Variants in GPC5 observed in about 807,000 individuals in gnomAD.
GPC5 encodes the protein glypican 5.
A neutral mutation model predicts 53.9 loss-of-function variants in GPC5; 47 were observed. That is an observed-to-expected ratio of 0.87 (90% CI 0.69 to 1.11). The LOEUF is 1.11. Ranked by LOEUF, GPC5 falls within the 50% of genes most tolerant of loss-of-function variation. The pLI, the probability that GPC5 is intolerant of heterozygous loss-of-function variation, is 0.00. For missense variants in GPC5, 748 were observed against 713.1 expected (o/e 1.05, Z -0.56); for synonymous variants, 286 against 263.3 (o/e 1.09, Z -0.84).
chr13:92,258,393 T>A (rs2042742204), intron 7 of GPC5, among the ~76,000 whole-genome samples: 2 of 152,226 alleles, frequency 1.3e-5, no homozygotes, highest in Admixed American at 1.3e-4. Flanking sequence ...ATACTTGCTA[T>A]AATTACTATT....
At chr13:92,863,496 C>G (rs1879246689) in intron 7 of GPC5, among the ~76,000 whole-genome samples, 1 of 152,074 alleles carries the variant, frequency 6.6e-6, no homozygotes, top group African/African-American at 2.4e-5. Flanking sequence ...AAGTTACATC[C>G]CTTTACCTTA....
intron 6 of GPC5, among the ~76,000 whole-genome samples, chr13:91,987,063 A>G (rs188116885): frequency 1.9e-3 from 283 of 152,372 alleles, no homozygotes; most frequent in Admixed American, 3.5e-3. Context: ...AATAAATGTT[A>G]GCCAGGATGG....
At chr13:92,352,769 C>T (rs986541536) in intron 7 of GPC5, among the ~76,000 whole-genome samples, 1 of 152,058 alleles carries the variant, frequency 6.6e-6, no homozygotes, top group Non-Finnish European at 1.5e-5. Flanking sequence ...ATTAGTAAAC[C>T]AGTTTTGAAA....
chr13:91,699,562 G>T (rs941959926), intron 3 of GPC5, among the ~76,000 whole-genome samples: 7 of 152,096 alleles, frequency 4.6e-5, no homozygotes, highest in African/African-American at 1.7e-4. Context: ...TTAGTACATG[G>T]CTCTTCTGAG....
intron 1 of GPC5, among the ~76,000 whole-genome samples, chr13:91,407,345 G>T (rs1463846758): frequency 6.6e-6 from 1 of 152,126 alleles, no homozygotes; most frequent in Admixed American, 6.5e-5. Flanking sequence ...TAAATGAGTT[G>T]CCAGACAAAG....
chr13:91,576,437 CA>C (rs1426043975), intron 2 of GPC5, among the ~76,000 whole-genome samples: 1 of 151,582 alleles, frequency 6.6e-6, no homozygotes, highest in African/African-American at 2.4e-5. Context: ...AAATGGACAG[CA>C]AAAAATAAAC....
chr13:92,368,328 T>C (rs1169307360), intron 7 of GPC5, among the ~76,000 whole-genome samples: 1 of 150,482 alleles, frequency 6.6e-6, no homozygotes, highest in Non-Finnish European at 1.5e-5. Context: ...GCTATACTCC[T>C]AGCCTCAGAA....
intron 7 of GPC5, among the ~76,000 whole-genome samples, chr13:92,475,898 T>C (rs1879104623): frequency 6.6e-6 from 1 of 152,010 alleles, no homozygotes; most frequent in African/African-American, 2.4e-5. Flanking sequence ...CAATTCAAGA[T>C]GGATTAAAGA....
chr13:92,340,790 C>A (rs1039667600), intron 7 of GPC5, among the ~76,000 whole-genome samples: 1 of 152,064 alleles, frequency 6.6e-6, no homozygotes, highest in African/African-American at 2.4e-5. Flanking sequence ...GCTTTTAGAC[C>A]TAACAGGTAT....
chr13:91,901,890 CCAAT>C (rs2039501279), intron 5 of GPC5, among the ~76,000 whole-genome samples: 1 of 151,928 alleles, frequency 6.6e-6, no homozygotes, highest in African/African-American at 2.4e-5. Context: ...AATAAACAAA[CCAAT>C]CAAACAACAA....
intron 7 of GPC5, among the ~76,000 whole-genome samples, chr13:92,837,009 A>T (rs1354395407): frequency 6.6e-6 from 1 of 152,096 alleles, no homozygotes; most frequent in East Asian, 1.9e-4. Context: ...TTCTAAGAAA[A>T]CTGATGGGGA....
chr13:91,770,703 T>TG lies in GPC5; in HGVS notation c.1280+14283_1280+14284insG, dbSNP rs1491179183. On this transcript the variant is annotated intron_variant, in intron 5 of 7. Transcript: ENST00000377067. Reference sequence around the variant, plus strand: ...GTTCAAAGACTGGGGAGACTGTGTGTTTGTGTGTGTGTGTGTGTGTGTGTG... The same window carrying TG: ...GTTCAAAGACTGGGGAGACTGTGTGTGTTGTGTGTGTGTGTGTGTGTGTGTG... Among the ~76,000 whole-genome samples the TG allele has an allele frequency of 4.2e-3, 558 of 133,166 alleles. 5 individuals carry two copies. The highest frequency in any genetic ancestry group is 0.032 in the East Asian group (149 of 4,626). 87.4% of individuals were successfully genotyped at this position (133,166 alleles called of 152,430 possible).
chr13:91,763,647 A>G (rs1198366341), intron 5 of GPC5, among the ~76,000 whole-genome samples: 3 of 152,240 alleles, frequency 2.0e-5, no homozygotes, highest in African/African-American at 7.2e-5. Context: ...TGAAATCAAC[A>G]GAAAATAAAT....
At position 92,398,428 on chromosome 13, in the gene GPC5, C is replaced by CAAAAAAAAAAA. The variant is rs35873316; in HGVS notation, c.1561+253451_1561+253461dup. Among the ~76,000 whole-genome samples, 30 of 87,646 alleles carry CAAAAAAAAAAA rather than the reference C, an allele frequency of 3.4e-4. 1 individual carries two copies. The highest frequency in any genetic ancestry group is 1.3e-3 in the African/African-American group (26 of 19,678). 57.5% of individuals were successfully genotyped at this position (87,646 alleles called of 152,430 possible). On this transcript the variant is annotated intron_variant, in intron 7 of 7. Coordinates refer to ENST00000377067, the MANE Select transcript of GPC5 (RefSeq NM_004466.6). Reference sequence around the variant, plus strand: ...TGGGCGACAGAGCGAGACTCCGTCTCAAAAAAAAAAAAAAAAAAAAAATTA... The same window carrying CAAAAAAAAAAA: ...TGGGCGACAGAGCGAGACTCCGTCTCAAAAAAAAAAAAAAAAAAAAAAAAAAAAAAAAATTA...
At chr13:91,665,388 G>A (rs1390160194) in intron 2 of GPC5, among the ~76,000 whole-genome samples, 1 of 152,190 alleles carries the variant, frequency 6.6e-6, no homozygotes, top group Non-Finnish European at 1.5e-5. Context: ...TGTGGAATGT[G>A]AAAGTTTTTC....
intron 5 of GPC5, among the ~76,000 whole-genome samples, chr13:91,770,136 A>T (rs2037595110): frequency 6.6e-6 from 1 of 152,096 alleles, no homozygotes; most frequent in Non-Finnish European, 1.5e-5. Context: ...TTACTCTTTT[A>T]TTATAAAGGA....
chr13:91,945,629 C>T (rs1334263082), intron 6 of GPC5, among the ~76,000 whole-genome samples: 3 of 152,218 alleles, frequency 2.0e-5, no homozygotes, highest in African/African-American at 4.8e-5. Flanking sequence ...TCCTCTAGGA[C>T]GAAGGAAAGG....
chr13:91,495,234 C>T (rs1056575642), intron 2 of GPC5, among the ~76,000 whole-genome samples: 34 of 152,228 alleles, frequency 2.2e-4, no homozygotes, highest in Admixed American at 1.3e-3. Context: ...ACCCCTTCCA[C>T]TGCTAACAGA....
chr13:91,447,049 A>C (rs1198879671), intron 1 of GPC5, among the ~76,000 whole-genome samples: 1 of 152,162 alleles, frequency 6.6e-6, no homozygotes. Context: ...ATGAGACTGG[A>C]GAGGGAGGGA....
Sources: gnomAD v4.1 joint callset for allele counts (sites outside exome capture counted in the v4.1 genomes callset) on GRCh38, gnomAD v4.1.1 for gene constraint, MANE v1.5 for transcripts, NCBI Gene and HGNC (gene_info 2026-07-23, HGNC 2026-07-21) for gene names.